The following DGKB variants were observed in gnomAD, a reference collection of about 807,000 sequenced individuals.
DGKB encodes 90 kDa diacylglycerol kinase.
In DGKB, 67 loss-of-function variants were observed where a neutral mutation model predicts 114.3. The observed-to-expected ratio is 0.59, with a 90% confidence interval of 0.48 to 0.72. The LOEUF (loss-of-function observed/expected upper bound fraction) is 0.72. DGKB is among the 30% of genes least tolerant of loss of function. The probability of loss-of-function intolerance (pLI) is 0.00; values close to 1 mark genes in which losing one functional copy is unlikely to be tolerated. For missense variants in DGKB, 907 were observed against 975.2 expected, an observed-to-expected ratio of 0.93 and a Z score of 0.93; for synonymous variants, 398 against 323.1, an observed-to-expected ratio of 1.23 and a Z score of -2.49.
At chr7:14,430,100 T>C (rs1828231222) in intron 21 of DGKB, among the ~76,000 whole-genome samples, 1 of 152,180 alleles carries the variant, frequency 6.6e-6, no homozygotes, top group African/African-American at 2.4e-5. Flanking sequence ...TTGTTGTTAT[T>C]AAAGTACATA....
intron 1 of DGKB, among the ~76,000 whole-genome samples, chr7:14,972,799 T>G (rs1562915167): frequency 6.6e-6 from 1 of 152,128 alleles, no homozygotes; most frequent in Non-Finnish European, 1.5e-5. Context: ...AATGTAGTTA[T>G]AGCGAAATAT....
intron 17 of DGKB, among the ~76,000 whole-genome samples, chr7:14,599,404 G>C (rs953704861): frequency 1.3e-5 from 2 of 152,062 alleles, no homozygotes; most frequent in African/African-American, 4.8e-5. Flanking sequence ...TGGGCTTCTT[G>C]CTAATGTTTC....
chr7:14,759,127 G>A (rs532940134), intron 2 of DGKB, among the ~76,000 whole-genome samples: 2 of 152,172 alleles, frequency 1.3e-5, no homozygotes, highest in South Asian at 2.1e-4. Flanking sequence ...GTTTCACCAC[G>A]TTGGCCAGGC....
rs140086637 is a variant in DGKB at position 14,741,519 on chromosome 7, G to A, written c.169-5325C>T. ...TGCCTAGTATGTTGTTTTTGTCTCC[G>A]CTATTTTACGGTGGCAGCCTGGGAT... On this transcript the variant is annotated intron_variant, in intron 4 of 25. Transcript: ENST00000402815. Among the ~76,000 whole-genome samples, 19 of 152,170 alleles carry A rather than the reference G, an allele frequency of 1.2e-4. No individual in the cohort carries two copies. In the East Asian group the frequency reaches 1.4e-3, roughly 11 times the overall value.
chr7:14,656,756 A>ACACC (rs1815901250), intron 13 of DGKB, among the ~76,000 whole-genome samples: 1 of 148,618 alleles, frequency 6.7e-6, no homozygotes, highest in Admixed American at 6.7e-5. Context: ...GGATATATAC[A>ACACC]CACACACACA....
chr7:14,398,058 T>G (rs1822517289), intron 21 of DGKB, among the ~76,000 whole-genome samples: 1 of 152,104 alleles, frequency 6.6e-6, no homozygotes, highest in Non-Finnish European at 1.5e-5. Context: ...TTGGAATCAC[T>G]TCAAAGGATG....
intron 23 of DGKB, among the ~76,000 whole-genome samples, chr7:14,194,118 C>T (rs1000736404): frequency 6.6e-6 from 1 of 152,056 alleles, no homozygotes; most frequent in South Asian, 2.1e-4. Context: ...ACTAGTACAA[C>T]CATTATGGAA....
intron 7 of DGKB, among the ~76,000 whole-genome samples, chr7:14,699,044 A>G (rs1195046032): frequency 6.6e-6 from 1 of 152,100 alleles, no homozygotes; most frequent in Non-Finnish European, 1.5e-5. Flanking sequence ...CATGGAATAG[A>G]GAAGAAATAC....
chr7:14,219,558 A>G (rs1789574616), intron 23 of DGKB, among the ~76,000 whole-genome samples: 1 of 151,798 alleles, frequency 6.6e-6, no homozygotes, highest in South Asian at 2.1e-4. Context: ...TCTCTTCTAT[A>G]CGTATATATA....
chr7:14,867,769 G>A (rs1239602261), intron 1 of DGKB, among the ~76,000 whole-genome samples: 3 of 151,986 alleles, frequency 2.0e-5, no homozygotes, highest in African/African-American at 2.4e-5. Context: ...TATACTAGCC[G>A]AGCAGCGAAA....
intron 20 of DGKB, among the ~76,000 whole-genome samples, chr7:14,553,748 T>C (rs1390658673): frequency 1.3e-5 from 2 of 152,170 alleles, no homozygotes; most frequent in East Asian, 3.9e-4. Flanking sequence ...AAATTTACAT[T>C]AAGAAGTTTT....
intron 20 of DGKB, among the ~76,000 whole-genome samples, chr7:14,562,591 G>C (rs2128674578): frequency 6.6e-6 from 1 of 152,322 alleles, no homozygotes; most frequent in East Asian, 1.9e-4. Flanking sequence ...ACCTGGATGT[G>C]AGACATGGAG....
chr7:14,379,876 TACAATA>T (rs1819148176), intron 21 of DGKB, among the ~76,000 whole-genome samples: 2 of 142,810 alleles, frequency 1.4e-5, no homozygotes, highest in African/African-American at 2.6e-5. Context: ...TTGCTTTTAA[TACAATA>T]ATTCCTCTCC....
chr7:14,791,431 TGGCTA>T (rs1483829022), intron 2 of DGKB, among the ~76,000 whole-genome samples: 1 of 152,122 alleles, frequency 6.6e-6, no homozygotes, highest in Non-Finnish European at 1.5e-5. Context: ...CTTATTGCAC[TGGCTA>T]GAAATTCAAG....
Position 14,682,771 on chromosome 7 carries a change from C to A in DGKB, c.900G>T (p.Lys300Asn). 2 of 1,611,844 alleles carry A rather than the reference C, an allele frequency of 1.2e-6. No homozygotes were observed. The highest frequency in any genetic ancestry group is 1.7e-6 in the Non-Finnish European group (2 of 1,178,736). Reference sequence around the variant, plus strand: ...AACTTACATCAGTGTTCCTTTTGGACTTCACATAGGTCTTGATGCAAGAGG... The same window carrying A: ...AACTTACATCAGTGTTCCTTTTGGAATTCACATAGGTCTTGATGCAAGAGG... ...APPSCIKTYV[K>N]SKRNTDVMHH... Residue 300 changes from lysine (K) to asparagine (N), a missense_variant, in exon 11 of 26, where the codon AAG (lysine) becomes AAT (asparagine). Around this residue, in one of 3 missense-constraint regions of DGKB, gnomAD observed 814 missense variants for 856.6 expected, o/e 0.95. Coordinates refer to ENST00000402815, the MANE Select transcript of DGKB (RefSeq NM_001350709.2).
chr7:14,560,915 G>T lies in DGKB; in HGVS notation c.1770+13297C>A, dbSNP rs75113478. The stretch of plus-strand genomic sequence containing the variant: ...CAGGTATGAGATGATATCTCGTTGT[G>T]CTTTTGATGTGAATTTCCCTGATGA... On this transcript the variant is annotated intron_variant, in intron 20 of 25. Coordinates refer to ENST00000402815, the MANE Select transcript of DGKB (RefSeq NM_001350709.2). 5.3e-5 allele frequency among the ~76,000 whole-genome samples: 8 copies of T among 152,194 alleles called. No individual in the cohort carries two copies. The East Asian group carries it at 1.5e-3, about 29-fold the overall frequency.
intron 23 of DGKB, among the ~76,000 whole-genome samples, chr7:14,252,959 A>C (rs2128394805): frequency 6.6e-6 from 1 of 151,728 alleles, no homozygotes; most frequent in South Asian, 2.1e-4. Flanking sequence ...TCTGTGTTCC[A>C]CTCAGGTGCT....
intron 1 of DGKB, among the ~76,000 whole-genome samples, chr7:14,871,908 T>G (rs138129044): frequency 6.6e-6 from 1 of 152,254 alleles, no homozygotes; most frequent in Admixed American, 6.5e-5. Context: ...TAAATAACCT[T>G]TAGAAGTTTG....
At chr7:14,689,199 A>ATTTTTTTTAT (rs1554599100) in intron 9 of DGKB, among the ~76,000 whole-genome samples, 1,768 of 76,800 alleles carry the variant, frequency 0.023, 129 homozygotes, top group East Asian at 0.13. Flanking sequence ...AACTCCTCTT[A>ATTTTTTTTAT]TTTTTTTTTT....
Sources: allele counts gnomAD v4.1 joint callset (sites outside exome capture counted in the v4.1 genomes callset), GRCh38; gene constraint gnomAD v4.1.1; regional missense constraint gnomAD v4.1.1; transcripts MANE v1.5; gene names NCBI Gene and HGNC (gene_info 2026-07-23, HGNC 2026-07-21).